RHOBTB1: variants seen among roughly 807,000 people sequenced by gnomAD.
RHOBTB1 encodes the protein Rho related BTB domain containing 1.
A neutral mutation model predicts 71.6 loss-of-function variants in RHOBTB1; 40 were observed. The observed-to-expected ratio is 0.56, with a 90% CI of 0.43 to 0.73. RHOBTB1 has a LOEUF of 0.73. Ranked by LOEUF, RHOBTB1 falls within the 30% of genes least tolerant of loss-of-function variation. RHOBTB1 has a pLI of 0.00. For missense variants in RHOBTB1, 797 were observed against 894.0 expected (o/e 0.89, Z 1.38); for synonymous variants, 319 against 334.9 (o/e 0.95, Z 0.52).
intron 5 of RHOBTB1, among the ~76,000 whole-genome samples, chr10:60,892,017 G>A (rs1332808439): frequency 6.6e-6 from 1 of 152,172 alleles, no homozygotes; most frequent in Non-Finnish European, 1.5e-5. Flanking sequence ...ATACGAAGAA[G>A]GATGTGTTTT....
At chr10:60,961,201 T>C (rs1471809703) in intron 2 of RHOBTB1, among the ~76,000 whole-genome samples, 15 of 152,104 alleles carry the variant, frequency 9.9e-5, no homozygotes, top group Non-Finnish European at 1.5e-5. Context: ...ACACTCAAAA[T>C]AGAGCTCACA....
intron 1 of RHOBTB1, among the ~76,000 whole-genome samples, chr10:60,994,344 T>C (rs2086971334): frequency 6.6e-6 from 1 of 151,594 alleles, no homozygotes; most frequent in Non-Finnish European, 1.5e-5. Flanking sequence ...AGAAAGTGAG[T>C]GAGATTAGGT....
At chr10:60,970,064 C>A (rs1019881270) in intron 2 of RHOBTB1, among the ~76,000 whole-genome samples, 1 of 151,936 alleles carries the variant, frequency 6.6e-6, no homozygotes, top group Admixed American at 6.6e-5. Flanking sequence ...TTCCAGTGCA[C>A]TCTCCAGTTG....
chr10:60,925,858 T>C (rs1453302804), intron 2 of RHOBTB1, among the ~76,000 whole-genome samples: 1 of 152,048 alleles, frequency 6.6e-6, no homozygotes, highest in African/African-American at 2.4e-5. Flanking sequence ...GATAGAGCCA[T>C]GAAGAAATAC....
chr10:60,968,646 C>T (rs1207787383), intron 2 of RHOBTB1, among the ~76,000 whole-genome samples: 3 of 152,096 alleles, frequency 2.0e-5, no homozygotes, highest in Non-Finnish European at 4.4e-5. Context: ...GAGATAGTTT[C>T]TCAAAACCTA....
In RHOBTB1 at chr10:60,975,553, G is replaced by A. The variant is rs182889815; in HGVS notation, c.-62+10292C>T. The stretch of plus-strand genomic sequence containing the variant: ...TTATTCGCTTGCATGGAAATACTAG[G>A]TAATAACTGACTAAGTGCTGTGCTG... On this transcript the variant is annotated intron_variant, in intron 2 of 11. Coordinates refer to the RHOBTB1 transcript ENST00000357917. Among the ~76,000 whole-genome samples the A allele has an allele frequency of 4.2e-3, 644 of 152,146 alleles. 1 individual carries two copies. Among genetic ancestry groups the A allele is most frequent in the Non-Finnish European group, 7.1e-3 (482 of 67,962 alleles).
At chr10:60,976,513 A>G (rs776713370) in intron 2 of RHOBTB1, among the ~76,000 whole-genome samples, 4 of 151,984 alleles carry the variant, frequency 2.6e-5, no homozygotes, top group African/African-American at 7.2e-5. Context: ...TTTTATAGCC[A>G]GTCTTTATGC....
chr10:60,908,645 C>T (rs1024689128), intron 4 of RHOBTB1, among the ~76,000 whole-genome samples: 6 of 152,300 alleles, frequency 3.9e-5, no homozygotes, highest in Middle Eastern at 3.4e-3. Context: ...TTAAAAAACT[C>T]CTACTTCTCT....
chr10:60,915,852 T>A (rs1343103939), intron 2 of RHOBTB1, among the ~76,000 whole-genome samples: 1 of 152,188 alleles, frequency 6.6e-6, no homozygotes, highest in Non-Finnish European at 1.5e-5. Flanking sequence ...TACAGGATGG[T>A]GCAGCCCACA....
chr10:60,952,173 CT>C (rs2085435551), intron 2 of RHOBTB1, among the ~76,000 whole-genome samples: 1 of 151,202 alleles, frequency 6.6e-6, no homozygotes, highest in African/African-American at 2.4e-5. Flanking sequence ...TTATGCAAAG[CT>C]GGAATTTTAA....
At chr10:60,983,925 T>G (rs1188680714) in intron 2 of RHOBTB1, among the ~76,000 whole-genome samples, 1 of 152,234 alleles carries the variant, frequency 6.6e-6, no homozygotes, top group African/African-American at 2.4e-5. Flanking sequence ...CAATGAAAGA[T>G]TTCCATAGTT....
At chr10:60,923,617 C>A (rs1006374526) in intron 2 of RHOBTB1, among the ~76,000 whole-genome samples, 1 of 152,050 alleles carries the variant, frequency 6.6e-6, no homozygotes, top group Non-Finnish European at 1.5e-5. Context: ...GAATAGTATG[C>A]GATATGGTTT....
At chr10:60,981,634 A>G (rs1238637156) in intron 2 of RHOBTB1, among the ~76,000 whole-genome samples, 3 of 152,076 alleles carry the variant, frequency 2.0e-5, no homozygotes, top group African/African-American at 7.2e-5. Context: ...TCAAGATCTC[A>G]TATTAATCAG....
At chr10:60,970,878 C>A (rs959736872) in intron 2 of RHOBTB1, among the ~76,000 whole-genome samples, 2 of 151,992 alleles carry the variant, frequency 1.3e-5, no homozygotes, top group African/African-American at 4.8e-5. Flanking sequence ...CTAAACAACT[C>A]CTTGTAAAAA....
chr10:60,923,813 G>A (rs564950898), intron 2 of RHOBTB1, among the ~76,000 whole-genome samples: 1 of 152,168 alleles, frequency 6.6e-6, no homozygotes, highest in South Asian at 2.1e-4. Context: ...GCTTTCACTT[G>A]GATCTCATTT....
downstream of RHOBTB1, among the ~76,000 whole-genome samples, chr10:60,867,534 T>C (rs922143243): frequency 1.8e-4 from 27 of 152,378 alleles, 1 homozygote; most frequent in Middle Eastern, 0.01. Context: ...TCTGCTACTG[T>C]TGTTGATAAT....
intron 8 of RHOBTB1, among the ~76,000 whole-genome samples, chr10:60,877,425 C>A (rs2081098793): frequency 6.6e-6 from 1 of 152,200 alleles, no homozygotes; most frequent in East Asian, 1.9e-4. Flanking sequence ...AAAGCTGAGA[C>A]ACAGAGCTAA....
intron 2 of RHOBTB1, among the ~76,000 whole-genome samples, chr10:60,941,343 AT>A (rs781681687): frequency 9.3e-5 from 14 of 150,622 alleles, no homozygotes; most frequent in East Asian, 3.9e-4. Context: ...CCTCCCAGAG[AT>A]TTTTTTTTTC....
At chr10:60,952,140 T>C (rs1050225562) in intron 2 of RHOBTB1, among the ~76,000 whole-genome samples, 2 of 150,426 alleles carry the variant, frequency 1.3e-5, no homozygotes, top group Non-Finnish European at 3.0e-5. Context: ...TAATCACTCA[T>C]ATATAAAGGC....
Sources: allele counts gnomAD v4.1 joint callset (sites outside exome capture counted in the v4.1 genomes callset), GRCh38; gene constraint gnomAD v4.1.1; transcripts MANE v1.5; gene names NCBI Gene and HGNC (gene_info 2026-07-23, HGNC 2026-07-21).